Variants in ZNF704 observed in about 807,000 individuals in gnomAD.
The protein encoded by ZNF704 is zinc finger protein 704, also known as glucocorticoid induced gene 1.
In ZNF704, 10 loss-of-function variants were observed where a neutral mutation model predicts 44.7. That is an observed-to-expected ratio of 0.22 (90% CI 0.14 to 0.38). The LOEUF is 0.38. Ranked by LOEUF, ZNF704 falls within the 10% of genes least tolerant of loss-of-function variation. ZNF704 has a pLI of 1.00. For synonymous variants in ZNF704, 211 were observed against 207.6 expected, an observed-to-expected ratio of 1.02 and a Z score of -0.14; for missense variants, 390 against 545.5, an observed-to-expected ratio of 0.71 and a Z score of 2.84.
chr8:80,656,684 A>C (rs552285106), intron 7 of ZNF704, among the ~76,000 whole-genome samples: 1 of 152,290 alleles, frequency 6.6e-6, no homozygotes, highest in South Asian at 2.1e-4. Context: ...TGAATAAATA[A>C]AATCCTGCAA....
At chr8:80,859,865 CAG>C (rs1176673383) in intron 1 of ZNF704, among the ~76,000 whole-genome samples, 1 of 152,070 alleles carries the variant, frequency 6.6e-6, no homozygotes, top group Non-Finnish European at 1.5e-5. Flanking sequence ...AGAATGAAAA[CAG>C]TGAGAATGAG....
intron 2 of ZNF704, among the ~76,000 whole-genome samples, chr8:80,759,618 T>C (rs1290056442): frequency 6.6e-6 from 1 of 152,158 alleles, no homozygotes; most frequent in East Asian, 1.9e-4. Flanking sequence ...GGTCTAACTC[T>C]AGTCAATAGC....
intron 2 of ZNF704, among the ~76,000 whole-genome samples, chr8:80,808,995 T>C (rs968514846): frequency 3.3e-5 from 5 of 152,208 alleles, no homozygotes; most frequent in Non-Finnish European, 7.3e-5. Flanking sequence ...AAAGATTTGA[T>C]AAAACCTTGC....
chr8:80,648,266 C>T (rs1432267129), intron 7 of ZNF704, among the ~76,000 whole-genome samples: 1 of 152,172 alleles, frequency 6.6e-6, no homozygotes, highest in Middle Eastern at 3.2e-3. Flanking sequence ...GGAATGACCC[C>T]TCGCCAAAGT....
intron 7 of ZNF704, among the ~76,000 whole-genome samples, chr8:80,656,073 C>T (rs1818010289): frequency 1.3e-5 from 2 of 152,292 alleles, no homozygotes; most frequent in Admixed American, 1.3e-4. Context: ...GGCCCTGACC[C>T]AACAGGATTA....
At chr8:80,709,954 T>G (rs1179076294) in intron 2 of ZNF704, among the ~76,000 whole-genome samples, 3 of 152,148 alleles carry the variant, frequency 2.0e-5, no homozygotes, top group African/African-American at 7.2e-5. Flanking sequence ...GATTATGTAG[T>G]TTTGTCCCTA....
chr8:80,743,034 A>C (rs1806787616), intron 2 of ZNF704, among the ~76,000 whole-genome samples: 1 of 152,126 alleles, frequency 6.6e-6, no homozygotes, highest in South Asian at 2.1e-4. Context: ...CAGGAGGTAA[A>C]GAAATAGCCA....
chr8:80,813,624 T>C (rs1414602140), intron 2 of ZNF704, among the ~76,000 whole-genome samples: 1 of 152,142 alleles, frequency 6.6e-6, no homozygotes, highest in African/African-American at 2.4e-5. Flanking sequence ...ATGCCTGTAA[T>C]CCCAGCACTT....
chr8:80,752,555 A>C (rs1356064334), intron 2 of ZNF704, among the ~76,000 whole-genome samples: 4 of 151,960 alleles, frequency 2.6e-5, no homozygotes, highest in Non-Finnish European at 5.9e-5. Context: ...AAAAAAAAAA[A>C]AACGAAACAG....
chr8:80,672,285 G>A (rs1397495228), intron 4 of ZNF704, among the ~76,000 whole-genome samples: 1 of 152,226 alleles, frequency 6.6e-6, no homozygotes, highest in African/African-American at 2.4e-5. Context: ...TGGCGAGGCT[G>A]CAGAGAAACG....
chr8:80,815,688 T>C (rs1269190098), intron 2 of ZNF704, among the ~76,000 whole-genome samples: 1 of 152,228 alleles, frequency 6.6e-6, no homozygotes, highest in Non-Finnish European at 1.5e-5. Context: ...CTTAGGTCTG[T>C]CATTGGTGAA....
intron 2 of ZNF704, among the ~76,000 whole-genome samples, chr8:80,706,541 A>C (rs1339598174): frequency 6.6e-6 from 1 of 152,224 alleles, no homozygotes; most frequent in Non-Finnish European, 1.5e-5. Context: ...TAACAGAGCC[A>C]CCCATATTGG....
chr8:80,766,206 C>T (rs1807224677), intron 2 of ZNF704, among the ~76,000 whole-genome samples: 2 of 152,118 alleles, frequency 1.3e-5, no homozygotes, highest in Non-Finnish European at 2.9e-5. Context: ...CTCATCCAAA[C>T]TCGGCCAACA....
chr8:80,668,642 G>A (rs1230418773), intron 5 of ZNF704, among the ~76,000 whole-genome samples: 1 of 152,218 alleles, frequency 6.6e-6, no homozygotes, highest in Admixed American at 6.5e-5. Context: ...ATCAGGACCA[G>A]CCCCTGGTGT....
chr8:80,685,288 T>A (rs1050707607), intron 4 of ZNF704, among the ~76,000 whole-genome samples: 1 of 152,064 alleles, frequency 6.6e-6, no homozygotes, highest in Non-Finnish European at 1.5e-5. Flanking sequence ...AGAGTGTGAA[T>A]TTTGGCTCAG....
chr8:80,655,223 A>G (rs1419677493), intron 7 of ZNF704, among the ~76,000 whole-genome samples: 1 of 152,114 alleles, frequency 6.6e-6, no homozygotes, highest in African/African-American at 2.4e-5. Flanking sequence ...ATTAGGAGAC[A>G]TATCTAATGT....
intron 2 of ZNF704, among the ~76,000 whole-genome samples, chr8:80,695,802 A>C (rs1038917863): frequency 2.6e-5 from 4 of 152,266 alleles, no homozygotes; most frequent in African/African-American, 9.6e-5. Context: ...TTTACAATGA[A>C]GAATGAAAAA....
intron 7 of ZNF704, among the ~76,000 whole-genome samples, chr8:80,650,797 A>C (rs1282112348): frequency 6.6e-6 from 1 of 152,204 alleles, no homozygotes; most frequent in Non-Finnish European, 1.5e-5. Context: ...CAATATTCAA[A>C]TTCAGGAAAT....
chr8:80,696,744 C>CAT (rs1029714781), intron 2 of ZNF704, among the ~76,000 whole-genome samples: 2 of 152,116 alleles, frequency 1.3e-5, no homozygotes, highest in Non-Finnish European at 2.9e-5. Context: ...GAAATATTTG[C>CAT]ATATATATAA....
Sources: gnomAD v4.1 joint callset for allele counts (sites outside exome capture counted in the v4.1 genomes callset) on GRCh38, gnomAD v4.1.1 for gene constraint, MANE v1.5 for transcripts, NCBI Gene and HGNC (gene_info 2026-07-23, HGNC 2026-07-21) for gene names.